The following FBXO34 variants were observed in gnomAD, a reference collection of about 807,000 sequenced individuals.
The protein encoded by FBXO34 is F-box protein 34, also known as F-box only protein 34.
A neutral mutation model predicts 24.5 loss-of-function variants in FBXO34; 12 were observed. That is an observed-to-expected ratio of 0.49 (90% confidence interval 0.31 to 0.79). The LOEUF (loss-of-function observed/expected upper bound fraction) is 0.79. FBXO34 is among the 30% of genes least tolerant of loss of function. The pLI, the probability that FBXO34 is intolerant of heterozygous loss-of-function variation, is 0.04. For synonymous variants in FBXO34, 320 were observed against 311.9 expected (o/e 1.03, Z -0.27); for missense variants, 823 against 857.7 (o/e 0.96, Z 0.51).
At chr14:55,397,134 T>C in the FBXO34 span, among the ~76,000 whole-genome samples, 2 of 152,314 alleles carry the variant, frequency 1.3e-5, no homozygotes, top group South Asian at 4.2e-4. Flanking sequence ...TGCCAGGGAT[T>C]TGATTCACTG....
chr14:55,392,322 C>A, the FBXO34 span, among the ~76,000 whole-genome samples: 1 of 152,066 alleles, frequency 6.6e-6, no homozygotes, highest in Non-Finnish European at 1.5e-5. Context: ...GGGTTGGGGA[C>A]CCCTGCCTTA....
chr14:55,436,576 AT>A, the FBXO34 span: 1 of 1,614,094 alleles, frequency 6.2e-7, no homozygotes, highest in Non-Finnish European at 8.5e-7. Context: ...TTGAGGTACA[AT>A]TCCACAACAT....
the FBXO34 span, among the ~76,000 whole-genome samples, chr14:55,429,285 G>T: frequency 6.6e-6 from 1 of 152,238 alleles, no homozygotes; most frequent in African/African-American, 2.4e-5. Flanking sequence ...CGCAAAGTGT[G>T]TCCCCAGACC....
chr14:55,297,557 A>G (rs1882182529), intron 1 of FBXO34, among the ~76,000 whole-genome samples: 2 of 152,228 alleles, frequency 1.3e-5, no homozygotes, highest in African/African-American at 4.8e-5. Flanking sequence ...TTGCCAGCAA[A>G]AACGATTATG....
chr14:55,332,385 A>G (rs1282960592), intron 1 of FBXO34, among the ~76,000 whole-genome samples: 3 of 152,192 alleles, frequency 2.0e-5, no homozygotes, highest in Admixed American at 2.0e-4. Context: ...TTATGTAAAA[A>G]TGAACTGATT....
chr14:55,364,954 A>C (rs935933644), downstream of FBXO34, among the ~76,000 whole-genome samples: 32 of 149,922 alleles, frequency 2.1e-4, no homozygotes, highest in African/African-American at 7.4e-4. Flanking sequence ...GCAGTGGCTC[A>C]CGCCCGTAAT....
chr14:55,439,617 C>CCCCCCGCCG, the FBXO34 span, among the ~76,000 whole-genome samples: 6 of 72,628 alleles, frequency 8.3e-5, 1 homozygote, highest in African/African-American at 9.0e-5. Flanking sequence ...AAAGCAAACC[C>CCCCCCGCCG]CCCCCCGTCT....
At chr14:55,343,600 C>T (rs1012895534) in intron 1 of FBXO34, among the ~76,000 whole-genome samples, 1 of 152,140 alleles carries the variant, frequency 6.6e-6, no homozygotes, top group African/African-American at 2.4e-5. Context: ...TAATAAGTGA[C>T]TCCTTTTTGG....
the FBXO34 span, among the ~76,000 whole-genome samples, chr14:55,432,282 G>T: frequency 6.6e-6 from 1 of 150,458 alleles, no homozygotes; most frequent in Non-Finnish European, 1.5e-5. Context: ...GCCTGGTGGT[G>T]CATACCTGTG....
chr14:55,358,820 T>C (rs1471787643), intron 3 of FBXO34, among the ~76,000 whole-genome samples: 1 of 152,116 alleles, frequency 6.6e-6, no homozygotes. Context: ...CCTAGACCTA[T>C]TAAATCAACC....
At chr14:55,414,334 T>C in the FBXO34 span, 2 of 1,408,640 alleles carry the variant, frequency 1.4e-6, no homozygotes, top group Non-Finnish European at 2.0e-6. Flanking sequence ...GCTGGGCTTA[T>C]GGACATATTC....
chr14:55,387,457 T>G, the FBXO34 span, among the ~76,000 whole-genome samples: 2 of 152,132 alleles, frequency 1.3e-5, no homozygotes, highest in Non-Finnish European at 2.9e-5. Flanking sequence ...TCCCCAGACC[T>G]TTTGCTCTTC....
the FBXO34 span, among the ~76,000 whole-genome samples, chr14:55,380,869 ATATATAT>A: frequency 2.2e-5 from 2 of 92,870 alleles, no homozygotes; most frequent in South Asian, 3.1e-4. Context: ...ATATATATAT[ATATATAT>A]TTTTTTTTTT....
chr14:55,426,399 T>C, the FBXO34 span, among the ~76,000 whole-genome samples: 3 of 152,166 alleles, frequency 2.0e-5, no homozygotes, highest in African/African-American at 7.2e-5. Flanking sequence ...TTATTAAATG[T>C]TGACATACAA....
At chr14:55,440,480 C>A in the FBXO34 span, 1 of 1,610,104 alleles carries the variant, frequency 6.2e-7, no homozygotes, top group Non-Finnish European at 8.5e-7. Flanking sequence ...GGGGTGGGGG[C>A]GGGTAAGAGG....
chr14:55,385,585 T>G, the FBXO34 span, among the ~76,000 whole-genome samples: 1 of 152,074 alleles, frequency 6.6e-6, no homozygotes, highest in Non-Finnish European at 1.5e-5. Flanking sequence ...GAGCCACCAC[T>G]CCCAGCCATC....
chr14:55,372,491 GA>G (rs1884841166), downstream of FBXO34, among the ~76,000 whole-genome samples: 1 of 151,960 alleles, frequency 6.6e-6, no homozygotes, highest in African/African-American at 2.4e-5. Context: ...TCTTCCCCAG[GA>G]TCCCCCAAAG....
chr14:55,411,895 G>GCCTGGGGATGGGGGGCTGGGAT, the FBXO34 span: 2 of 1,373,838 alleles, frequency 1.5e-6, no homozygotes, highest in Non-Finnish European at 2.0e-6. Context: ...AGGAGGAGGG[G>GCCTGGGGATGGGGGGCTGGGAT]CCTGGGGAAG....
chr14:55,317,694 G>A (rs942651038), intron 1 of FBXO34, among the ~76,000 whole-genome samples: 3 of 152,058 alleles, frequency 2.0e-5, no homozygotes, highest in Non-Finnish European at 4.4e-5. Flanking sequence ...TATTTATACC[G>A]CAGAATCAGC....
Sources: allele counts gnomAD v4.1 joint callset (sites outside exome capture counted in the v4.1 genomes callset), GRCh38; gene constraint gnomAD v4.1.1; transcripts MANE v1.5; gene names NCBI Gene and HGNC (gene_info 2026-07-23, HGNC 2026-07-21).